Variants in ADAMTS3 observed in about 807,000 individuals in gnomAD.
ADAMTS3 encodes ADAM metallopeptidase with thrombospondin type 1 motif 3.
Under a neutral mutation model 129.0 loss-of-function variants are expected in ADAMTS3, and 73 were observed. That is an observed-to-expected ratio of 0.57 (90% CI 0.47 to 0.69). The LOEUF is 0.69. Ranked by LOEUF, ADAMTS3 falls within the 30% of genes least tolerant of loss-of-function variation. The pLI, the probability that ADAMTS3 is intolerant of heterozygous loss-of-function variation, is 0.00. For synonymous variants in ADAMTS3, 477 were observed against 510.8 expected (o/e 0.93, Z 0.89); for missense variants, 1,457 against 1,514.5 (o/e 0.96, Z 0.63).
intron 3 of ADAMTS3, among the ~76,000 whole-genome samples, chr4:72,529,407 T>G (rs1201251008): frequency 6.6e-6 from 1 of 151,820 alleles, no homozygotes; most frequent in Non-Finnish European, 1.5e-5. Flanking sequence ...TTAGCAAGGC[T>G]TCCAGGGGAT....
chr4:72,495,662 T>A (rs925720185), intron 3 of ADAMTS3, among the ~76,000 whole-genome samples: 2 of 152,124 alleles, frequency 1.3e-5, no homozygotes, highest in Non-Finnish European at 1.5e-5. Flanking sequence ...CATCAAATCA[T>A]GACCTACCTC....
chr4:72,431,780 T>A (rs1722704535), intron 3 of ADAMTS3, among the ~76,000 whole-genome samples: 1 of 151,916 alleles, frequency 6.6e-6, no homozygotes, highest in Non-Finnish European at 1.5e-5. Flanking sequence ...GGGATATAAC[T>A]ATTTGGTAAA....
rs1560501249 is a variant in ADAMTS3 at position 72,399,819 on chromosome 4, G to GTATA, written c.661+14992_661+14995dup. On this transcript the variant is annotated intron_variant, in intron 4 of 21. Transcript: ENST00000286657. ...GTGTATATATATACACACACGGTGTGTATATACGTGTGTATATATATACAC... is the reference window on the plus strand; with the variant it reads ...GTGTATATATATACACACACGGTGTGTATATATATACGTGTGTATATATATACAC... Among the ~76,000 whole-genome samples, 2 of 138,064 alleles carry GTATA rather than the reference G, an allele frequency of 1.4e-5. 1 individual carries two copies. Among genetic ancestry groups the GTATA allele is most frequent in the Admixed American group, 1.4e-4 (2 of 14,052 alleles). 90.6% of individuals were successfully genotyped at this position (138,064 alleles called of 152,430 possible). A position where few individuals can be genotyped will look rare whatever the true frequency, so the allele number is the denominator to read the frequency against.
Position 72,568,824 on chromosome 4 carries a change from CCCCG to C in ADAMTS3, c.-66_-63del. On this transcript the variant is annotated 5_prime_UTR_variant, in exon 1 of 22. Transcript: ENST00000286657. ...CAAATGCCCAGAGCAAACCCACCCCCCCCGCCCAAAATAAGTTTCTTTAAGAAAA... is the reference window on the plus strand; with the variant it reads ...CAAATGCCCAGAGCAAACCCACCCCCCCCAAAATAAGTTTCTTTAAGAAAA... The C allele has an allele frequency of 1.4e-5, 17 of 1,209,486 alleles. No homozygotes were observed. In the South Asian group the frequency reaches 2.0e-4, roughly 14 times the overall value. 74.9% of individuals were successfully genotyped at this position (1,209,486 alleles called of 1,614,324 possible).
Position 72,568,726 on chromosome 4 carries a change from G to A in ADAMTS3, c.37C>T (p.Leu13=). The change falls in exon 1 of 22, where the codon CTG becomes TTG. Residue 13 remains leucine, a synonymous_variant. Coordinates refer to ENST00000286657, the MANE Select transcript of ADAMTS3 (RefSeq NM_014243.3). The part of the protein sequence containing the change: ...LLSLWLIAAA[L]VEVRTSADGQ... Reference sequence around the variant, plus strand: ...TCAGCTGAAGTCCTAACCTCTACCAGAGCGGCTGCTATCAACCAAAGTGAC... The same window carrying A: ...TCAGCTGAAGTCCTAACCTCTACCAAAGCGGCTGCTATCAACCAAAGTGAC... 1 of 1,613,866 alleles carries A rather than the reference G, an allele frequency of 6.2e-7. No individual in the cohort carries two copies. Among genetic ancestry groups the A allele is most frequent in the Non-Finnish European group, 8.5e-7 (1 of 1,179,994 alleles).
At chr4:72,543,609 A>C (rs1721390906) in intron 3 of ADAMTS3, among the ~76,000 whole-genome samples, 1 of 152,200 alleles carries the variant, frequency 6.6e-6, no homozygotes, top group Admixed American at 6.5e-5. Context: ...GCAATAAACT[A>C]GTCCCAAAAA....
chr4:72,332,466 G>A (rs1005724833), intron 5 of ADAMTS3, among the ~76,000 whole-genome samples: 1 of 152,118 alleles, frequency 6.6e-6, no homozygotes, highest in Non-Finnish European at 1.5e-5. Flanking sequence ...CAAAGAAACT[G>A]ATGAATTCAC....
intron 3 of ADAMTS3, among the ~76,000 whole-genome samples, chr4:72,520,376 A>T (rs1016901086): frequency 1.3e-5 from 2 of 152,196 alleles, no homozygotes; most frequent in African/African-American, 4.8e-5. Flanking sequence ...CAAAGCTGTC[A>T]GACAGGGACA....
At chr4:72,446,948 A>G (rs1238750487) in intron 3 of ADAMTS3, among the ~76,000 whole-genome samples, 1 of 151,746 alleles carries the variant, frequency 6.6e-6, no homozygotes, top group Non-Finnish European at 1.5e-5. Context: ...ATATTTTTAC[A>G]TGGAAAGAAA....
At chr4:72,432,124 T>C (rs1722714786) in intron 3 of ADAMTS3, among the ~76,000 whole-genome samples, 1 of 151,916 alleles carries the variant, frequency 6.6e-6, no homozygotes, top group Non-Finnish European at 1.5e-5. Context: ...TGCCTGCGTG[T>C]TCTTCTCTTC....
chr4:72,484,769 AG>A (rs921585521), intron 3 of ADAMTS3, among the ~76,000 whole-genome samples: 2 of 152,160 alleles, frequency 1.3e-5, no homozygotes. Flanking sequence ...CCTACCTTAA[AG>A]GTAGATACCT....
At chr4:72,305,965 G>A in intron 16 of ADAMTS3, 22 bp downstream of exon 16, 2 of 1,591,046 alleles carry the variant, frequency 1.3e-6, no homozygotes, top group South Asian at 2.2e-5. Flanking sequence ...TTAAAGCAGA[G>A]ACAGCAGACA....
intron 3 of ADAMTS3, among the ~76,000 whole-genome samples, chr4:72,482,787 TAACA>T (rs777432585): frequency 3.7e-4 from 57 of 152,282 alleles, no homozygotes; most frequent in Non-Finnish European, 7.2e-4. Context: ...TCTGTATTTC[TAACA>T]AGTCTTCAGA....
chr4:72,405,375 C>T (rs552917169), intron 4 of ADAMTS3, among the ~76,000 whole-genome samples: 9 of 151,990 alleles, frequency 5.9e-5, no homozygotes, highest in African/African-American at 2.2e-4. Flanking sequence ...GGATAGATCT[C>T]ATGTTAAGCA....
At chr4:72,450,163 C>T (rs553276393) in intron 3 of ADAMTS3, among the ~76,000 whole-genome samples, 3 of 151,604 alleles carry the variant, frequency 2.0e-5, no homozygotes, top group Non-Finnish European at 4.4e-5. Context: ...TCCCTCCAGG[C>T]CTGTCTCAAA....
chr4:72,355,853 C>T (rs532772984), intron 4 of ADAMTS3, among the ~76,000 whole-genome samples: 1 of 152,130 alleles, frequency 6.6e-6, no homozygotes, highest in South Asian at 2.1e-4. Context: ...TAGGTATGCT[C>T]TCCATGATAT....
At chr4:72,519,776 G>C (rs1299848997) in intron 3 of ADAMTS3, among the ~76,000 whole-genome samples, 1 of 152,102 alleles carries the variant, frequency 6.6e-6, no homozygotes, top group East Asian at 1.9e-4. Flanking sequence ...CTTTGCCTTT[G>C]GTTTGAATTT....
intron 4 of ADAMTS3, among the ~76,000 whole-genome samples, chr4:72,367,146 A>C (rs1383511247): frequency 6.6e-6 from 1 of 152,176 alleles, no homozygotes; most frequent in African/African-American, 2.4e-5. Context: ...CAGAAATTCC[A>C]CATTGTACAG....
chr4:72,528,202 T>A (rs1190656637), intron 3 of ADAMTS3, among the ~76,000 whole-genome samples: 1 of 144,654 alleles, frequency 6.9e-6, no homozygotes, highest in Non-Finnish European at 1.5e-5. Context: ...TCTCTTTTTT[T>A]AATTCTCTCT....
Sources: allele counts gnomAD v4.1 joint callset (sites outside exome capture counted in the v4.1 genomes callset), GRCh38; gene constraint gnomAD v4.1.1; transcripts MANE v1.5; gene names NCBI Gene and HGNC (gene_info 2026-07-23, HGNC 2026-07-21).